Variants in ANKFN1 observed in about 807,000 individuals in gnomAD.
The protein encoded by ANKFN1 is ankyrin repeat and fibronectin type III domain containing 1.
A neutral mutation model predicts 108.7 loss-of-function variants in ANKFN1; 74 were observed. That is an observed-to-expected ratio of 0.68 (90% confidence interval 0.56 to 0.83). ANKFN1 has a LOEUF of 0.83. ANKFN1 is among the 40% of genes least tolerant of loss of function. ANKFN1 has a pLI of 0.00. For synonymous variants in ANKFN1, 547 were observed against 516.2 expected, an observed-to-expected ratio of 1.06 and a Z score of -0.81; for missense variants, 1,505 against 1,382.3, an observed-to-expected ratio of 1.09 and a Z score of -1.41.
intron 4 of ANKFN1, among the ~76,000 whole-genome samples, chr17:56,127,314 A>T (rs1224621711): frequency 2.6e-5 from 4 of 151,774 alleles, no homozygotes; most frequent in Non-Finnish European, 5.9e-5. Context: ...TTCCTTTTTT[A>T]AAATTTTATT....
At chr17:56,154,103 A>G (rs929947341) in intron 1 of ANKFN1, among the ~76,000 whole-genome samples, 1 of 152,012 alleles carries the variant, frequency 6.6e-6, no homozygotes, top group African/African-American at 2.4e-5. Flanking sequence ...ATTGACACAT[A>G]CTAACCCTGT....
At chr17:56,055,484 A>AT (rs1904851649) in intron 4 of ANKFN1, among the ~76,000 whole-genome samples, 1 of 144,160 alleles carries the variant, frequency 6.9e-6, no homozygotes, top group African/African-American at 2.6e-5. Context: ...CTGTGTGTAT[A>AT]TATATATGTG....
At chr17:56,399,508 G>A (rs974110181) in intron 8 of ANKFN1, among the ~76,000 whole-genome samples, 1 of 151,140 alleles carries the variant, frequency 6.6e-6, no homozygotes, top group Admixed American at 6.6e-5. Context: ...GTAAGTTATT[G>A]GGGTACAGGT....
intron 4 of ANKFN1, among the ~76,000 whole-genome samples, chr17:56,094,263 C>A (rs1220808777): frequency 1.3e-5 from 2 of 150,880 alleles, no homozygotes; most frequent in Non-Finnish European, 3.0e-5. Context: ...TTTTTGATGG[C>A]AACCCTAGGA....
At chr17:56,114,507 G>C (rs1906152294) in intron 4 of ANKFN1, among the ~76,000 whole-genome samples, 1 of 152,154 alleles carries the variant, frequency 6.6e-6, no homozygotes, top group South Asian at 2.1e-4. Flanking sequence ...AAATATTTTA[G>C]AGCATAACAT....
At chr17:56,204,793 T>C (rs1248476041) in intron 1 of ANKFN1, among the ~76,000 whole-genome samples, 1 of 151,808 alleles carries the variant, frequency 6.6e-6, no homozygotes, top group Non-Finnish European at 1.5e-5. Flanking sequence ...AACTTTGTAC[T>C]GGCTGGGCGC....
intron 2 of ANKFN1, among the ~76,000 whole-genome samples, chr17:56,216,401 G>A (rs762107353): frequency 6.6e-6 from 1 of 152,226 alleles, no homozygotes; most frequent in Non-Finnish European, 1.5e-5. Context: ...CTTGGAGTTA[G>A]AGATTTGAAA....
intron 1 of ANKFN1, among the ~76,000 whole-genome samples, chr17:56,194,692 C>G (rs1913335982): frequency 6.6e-6 from 1 of 152,098 alleles, no homozygotes. Flanking sequence ...GTGTCTTAAA[C>G]CCACAGAATA....
chr17:56,049,478 T>G (rs1200502781), intron 4 of ANKFN1, among the ~76,000 whole-genome samples: 2 of 151,922 alleles, frequency 1.3e-5, no homozygotes, highest in Non-Finnish European at 2.9e-5. Flanking sequence ...GCCATGCTGG[T>G]GCGCTGCACC....
chr17:56,143,496 A>G (rs1174076323), intron 4 of ANKFN1, among the ~76,000 whole-genome samples: 1 of 152,122 alleles, frequency 6.6e-6, no homozygotes, highest in Non-Finnish European at 1.5e-5. Flanking sequence ...CTCTGCTACA[A>G]TCATGTTCTG....
intron 6 of ANKFN1, among the ~76,000 whole-genome samples, chr17:56,355,538 C>G (rs2046353872): frequency 6.6e-6 from 1 of 152,068 alleles, no homozygotes; most frequent in African/African-American, 2.4e-5. Context: ...GGTCAGTGTT[C>G]AACTTTAATT....
intron 4 of ANKFN1, among the ~76,000 whole-genome samples, chr17:56,148,441 T>C (rs1567804476): frequency 6.6e-6 from 1 of 152,202 alleles, no homozygotes; most frequent in African/African-American, 2.4e-5. Flanking sequence ...TTTGGGTTTG[T>C]TTGACCTCAG....
chr17:56,391,706 G>A (rs190453098), intron 8 of ANKFN1, among the ~76,000 whole-genome samples: 199 of 152,102 alleles, frequency 1.3e-3, no homozygotes, highest in African/African-American at 4.5e-3. Context: ...GATTACAGGC[G>A]TGAGCCACCG....
chr17:56,431,531 A>G (rs1159243982), intron 8 of ANKFN1, among the ~76,000 whole-genome samples: 2 of 152,168 alleles, frequency 1.3e-5, no homozygotes, highest in African/African-American at 2.4e-5. Context: ...CTATGTCCAC[A>G]CATAAGTCAA....
At chr17:56,458,710 A>G (rs112847007) in intron 14 of ANKFN1, among the ~76,000 whole-genome samples, 401 of 152,280 alleles carry the variant, frequency 2.6e-3, no homozygotes, top group Middle Eastern at 0.01. Flanking sequence ...TATCTGCTAC[A>G]TGGGATTGGA....
chr17:56,101,868 G>A (rs1905654161), intron 4 of ANKFN1, among the ~76,000 whole-genome samples: 2 of 152,192 alleles, frequency 1.3e-5, no homozygotes, highest in African/African-American at 4.8e-5. Context: ...ACTACCTAAT[G>A]AATCAGAGTC....
chr17:56,102,691 T>G (rs1039330503), intron 4 of ANKFN1, among the ~76,000 whole-genome samples: 2 of 151,968 alleles, frequency 1.3e-5, no homozygotes, highest in Admixed American at 6.6e-5. Context: ...TCCACATGAC[T>G]GAGGTGTGCA....
intron 13 of ANKFN1, among the ~76,000 whole-genome samples, chr17:56,457,641 G>C (rs113864583): frequency 2.0e-5 from 3 of 152,258 alleles, no homozygotes; most frequent in African/African-American, 7.2e-5. Context: ...TGAGTTATGG[G>C]ATCATTTGGC....
At chr17:56,079,983 G>A (rs571669997) in intron 4 of ANKFN1, among the ~76,000 whole-genome samples, 2 of 152,226 alleles carry the variant, frequency 1.3e-5, no homozygotes, top group East Asian at 3.9e-4. Context: ...GAACAGTTGG[G>A]CAAGTCACAA....
Sources: gnomAD v4.1 joint callset for allele counts (sites outside exome capture counted in the v4.1 genomes callset) on GRCh38, gnomAD v4.1.1 for gene constraint, MANE v1.5 for transcripts, NCBI Gene and HGNC (gene_info 2026-07-23, HGNC 2026-07-21) for gene names.